FOXN3: variants seen among roughly 807,000 people sequenced by gnomAD.
The protein encoded by FOXN3 is forkhead box protein N3.
FOXN3 carries 7 observed loss-of-function variants against 38.4 expected under a neutral mutation model. The observed-to-expected ratio is 0.18, with a 90% CI of 0.10 to 0.34. The LOEUF (loss-of-function observed/expected upper bound fraction) is 0.34. Ranked by LOEUF, FOXN3 falls within the 10% of genes least tolerant of loss-of-function variation. The pLI is 1.00. For missense variants in FOXN3, 456 were observed against 613.4 expected, an observed-to-expected ratio of 0.74 and a Z score of 2.71; for synonymous variants, 230 against 242.2, an observed-to-expected ratio of 0.95 and a Z score of 0.47.
chr14:89,580,098 C>A (rs369216272), intron 1 of FOXN3, among the ~76,000 whole-genome samples: 2 of 152,120 alleles, frequency 1.3e-5, no homozygotes, highest in South Asian at 4.1e-4. Context: ...ACTCCATAAC[C>A]CATATTTCTA....
intron 4 of FOXN3, among the ~76,000 whole-genome samples, chr14:89,195,743 C>G (rs113443804): frequency 2.6e-5 from 4 of 152,152 alleles, no homozygotes; most frequent in African/African-American, 9.7e-5. Context: ...GAGTGCTTCA[C>G]GTTATATCTC....
intron 3 of FOXN3, among the ~76,000 whole-genome samples, chr14:89,282,256 A>T (rs1327082936): frequency 7.2e-6 from 1 of 139,614 alleles, no homozygotes; most frequent in Non-Finnish European, 1.6e-5. Flanking sequence ...CATACTATAA[A>T]CCTTGATGTT....
intron 4 of FOXN3, among the ~76,000 whole-genome samples, chr14:89,210,014 C>T (rs1197576421): frequency 6.6e-6 from 1 of 152,200 alleles, no homozygotes; most frequent in African/African-American, 2.4e-5. Flanking sequence ...AACTCCAATT[C>T]CATGCTACAC....
intron 3 of FOXN3, among the ~76,000 whole-genome samples, chr14:89,336,215 C>CAT (rs1566959993): frequency 0.013 from 1,724 of 137,916 alleles, 34 homozygotes; most frequent in African/African-American, 0.046. Flanking sequence ...CCTAACGGTG[C>CAT]CTCCATCCAT....
intron 4 of FOXN3, among the ~76,000 whole-genome samples, chr14:89,249,851 C>T (rs1004591799): frequency 6.6e-5 from 10 of 152,080 alleles, no homozygotes; most frequent in South Asian, 4.1e-4. Context: ...GAGGTAACAG[C>T]GGTTCTATAC....
In FOXN3 at chr14:89,548,330, A is replaced by T. The variant is rs1894925596; in HGVS notation, c.-15+70698T>A. On this transcript the variant is annotated intron_variant, in intron 1 of 6. Transcript: ENST00000345097. This position sits in a 1 kb window ranked among gnomAD's most constrained non-coding sequence, Gnocchi z 4.8. ...TGTATATTTATGTTTGTCAGAATAT[A>T]TGCATGTATGCGGCTAGGCTACATA... Among the ~76,000 whole-genome samples the T allele has an allele frequency of 6.6e-6, 1 of 152,092 alleles. No homozygotes were observed. Among genetic ancestry groups the T allele is most frequent in the Admixed American group, 6.5e-5 (1 of 15,268 alleles).
intron 2 of FOXN3, chr14:89,409,439 C>A (rs2140095047): frequency 6.6e-6 from 1 of 152,310 alleles, no homozygotes; most frequent in African/African-American, 2.4e-5. Flanking sequence ...CCAAGGCTGA[C>A]TGATGAATAA....
At chr14:89,486,875 G>T (rs1203173169) in intron 1 of FOXN3, among the ~76,000 whole-genome samples, 1 of 152,144 alleles carries the variant, frequency 6.6e-6, no homozygotes, top group Non-Finnish European at 1.5e-5. Context: ...ACTGTCTCAT[G>T]GGGCATAAGA....
At chr14:89,421,302 ACCACACCT>A (rs1891900620), upstream of FOXN3, among the ~76,000 whole-genome samples, 1 of 151,786 alleles carries the variant, frequency 6.6e-6, no homozygotes, top group African/African-American at 2.4e-5. Flanking sequence ...GGCATGCACC[ACCACACCT>A]GGCTAATTTT....
chr14:89,551,981 C>T (rs904016816), intron 1 of FOXN3, among the ~76,000 whole-genome samples: 1 of 152,156 alleles, frequency 6.6e-6, no homozygotes, highest in South Asian at 2.1e-4. Context: ...GTACTAGTCA[C>T]CTAAGAAAAG....
At chr14:89,183,850 T>C (rs1887735667) in intron 4 of FOXN3, 1 of 152,208 alleles carries the variant, frequency 6.6e-6, no homozygotes, top group Non-Finnish European at 1.5e-5. Context: ...CAAACCAACC[T>C]AGGTCTACAT....
At chr14:89,181,099 C>G (rs1887665068) in intron 4 of FOXN3, among the ~76,000 whole-genome samples, 1 of 151,574 alleles carries the variant, frequency 6.6e-6, no homozygotes, top group Non-Finnish European at 1.5e-5. Context: ...CACGGGGAAA[C>G]AGAGACAGAA....
At chr14:89,493,035 TA>T (rs1331265015) in intron 1 of FOXN3, among the ~76,000 whole-genome samples, 5 of 152,286 alleles carry the variant, frequency 3.3e-5, no homozygotes, top group African/African-American at 1.2e-4. Context: ...ATACTGTAGA[TA>T]GTTCCCTGTG....
intron 4 of FOXN3, among the ~76,000 whole-genome samples, chr14:89,279,091 T>C (rs1393223689): frequency 6.7e-6 from 1 of 150,150 alleles, no homozygotes; most frequent in African/African-American, 2.5e-5. Flanking sequence ...TGAAGAAACA[T>C]CACAGAAAAA....
At chr14:89,248,065 AT>A (rs1885348841) in intron 4 of FOXN3, among the ~76,000 whole-genome samples, 1 of 152,190 alleles carries the variant, frequency 6.6e-6, no homozygotes. Context: ...TTTACCTAAA[AT>A]AACACCTTCC....
chr14:89,467,691 G>A (rs1892999404), intron 1 of FOXN3, among the ~76,000 whole-genome samples: 1 of 149,922 alleles, frequency 6.7e-6, no homozygotes. Flanking sequence ...CTGGGCTCAA[G>A]CTCCAGCAGT....
intron 5 of FOXN3, among the ~76,000 whole-genome samples, chr14:89,180,496 G>A (rs1166382700): frequency 6.6e-6 from 1 of 152,182 alleles, no homozygotes; most frequent in African/African-American, 2.4e-5. Context: ...AAGAGACCAG[G>A]ATCATCTGGT....
intron 3 of FOXN3, among the ~76,000 whole-genome samples, chr14:89,299,305 A>G (rs184035178): frequency 6.6e-6 from 1 of 152,300 alleles, no homozygotes; most frequent in Non-Finnish European, 1.5e-5. Flanking sequence ...GGTTTTATAA[A>G]TGGGAGTTCC....
intron 2 of FOXN3, among the ~76,000 whole-genome samples, chr14:89,379,794 G>A (rs1046565990): frequency 1.3e-5 from 2 of 151,986 alleles, no homozygotes; most frequent in African/African-American, 4.8e-5. Flanking sequence ...CCGAGTAGCT[G>A]GGATTATAGG....
Sources: allele counts gnomAD v4.1 joint callset (sites outside exome capture counted in the v4.1 genomes callset), GRCh38; gene constraint gnomAD v4.1.1; non-coding constraint Gnocchi (gnomAD v3.1); transcripts MANE v1.5; gene names NCBI Gene and HGNC (gene_info 2026-07-23, HGNC 2026-07-21).